The following EYS variants were observed in gnomAD, a reference collection of about 807,000 sequenced individuals.
EYS encodes the protein EGF-like photoreceptor maintenance factor.
EYS carries 250 observed loss-of-function variants against 282.1 expected under a neutral mutation model. The ratio of observed to expected loss-of-function variants is 0.89; its 90% CI spans 0.80 to 0.98. The LOEUF (loss-of-function observed/expected upper bound fraction) is 0.98. Ranked by LOEUF, EYS falls within the 50% of genes least tolerant of loss-of-function variation. The probability of loss-of-function intolerance (pLI) is 0.00; values close to 1 mark genes in which losing one functional copy is unlikely to be tolerated. For missense variants in EYS, 4,016 were observed against 3,709.0 expected, an observed-to-expected ratio of 1.08 and a Z score of -2.15; for synonymous variants, 1,355 against 1,282.9, an observed-to-expected ratio of 1.06 and a Z score of -1.20.
intron 28 of EYS, among the ~76,000 whole-genome samples, chr6:64,390,833 G>A (rs1199465556): frequency 7.0e-5 from 10 of 142,956 alleles, no homozygotes; most frequent in South Asian, 4.7e-4. Flanking sequence ...TCTGAGCTAC[G>A]GGAGGACATT....
intron 31 of EYS, among the ~76,000 whole-genome samples, chr6:64,151,487 A>G (rs1403683182): frequency 6.6e-6 from 1 of 150,498 alleles, no homozygotes; most frequent in Non-Finnish European, 1.5e-5. Context: ...CAGCCTCCCT[A>G]GTAGCTGGGA....
At chr6:64,885,521 G>A (rs1767058876) in intron 19 of EYS, among the ~76,000 whole-genome samples, 1 of 151,672 alleles carries the variant, frequency 6.6e-6, no homozygotes. Context: ...TTGCTGAGTG[G>A]ATATATATGG....
At chr6:65,706,494 C>T (rs977879945) in intron 1 of EYS, among the ~76,000 whole-genome samples, 2 of 148,542 alleles carry the variant, frequency 1.3e-5, no homozygotes, top group Non-Finnish European at 3.0e-5. Context: ...TGTGAAACAC[C>T]TTTACGTTTT....
chr6:64,321,317 C>T (rs896215858), intron 29 of EYS, among the ~76,000 whole-genome samples: 13 of 151,676 alleles, frequency 8.6e-5, no homozygotes, highest in African/African-American at 3.1e-4. Context: ...CTATATGTTA[C>T]TCAGGCTTAG....
chr6:63,960,445 A>G (rs1342182143), intron 35 of EYS, among the ~76,000 whole-genome samples: 1 of 152,224 alleles, frequency 6.6e-6, no homozygotes, highest in East Asian at 1.9e-4. Flanking sequence ...ATATTGTTGA[A>G]ATGATGACAA....
chr6:64,409,688 A>G (rs1248026245), intron 28 of EYS, among the ~76,000 whole-genome samples: 3 of 152,200 alleles, frequency 2.0e-5, no homozygotes, highest in African/African-American at 7.2e-5. Flanking sequence ...TGTTTCAGAA[A>G]GTAGAAAGCA....
At chr6:64,152,207 A>G (rs911587569) in intron 31 of EYS, among the ~76,000 whole-genome samples, 5 of 152,220 alleles carry the variant, frequency 3.3e-5, no homozygotes, top group African/African-American at 1.2e-4. Context: ...AAAGGACTGG[A>G]AAGAAGACAG....
chr6:64,685,211 T>G (rs1770048259), intron 22 of EYS, among the ~76,000 whole-genome samples: 1 of 151,950 alleles, frequency 6.6e-6, no homozygotes. Context: ...AAGGAAAAAT[T>G]TATCAGAAAA....
At chr6:64,013,989 T>A (rs143916621) in intron 33 of EYS, among the ~76,000 whole-genome samples, 20 of 152,260 alleles carry the variant, frequency 1.3e-4, no homozygotes, top group African/African-American at 4.6e-4. Context: ...CAGTACTTAT[T>A]ATGTACTCAA....
intron 35 of EYS, among the ~76,000 whole-genome samples, chr6:63,907,234 C>T (rs77455662): frequency 0.023 from 3,565 of 152,184 alleles, 140 homozygotes; most frequent in African/African-American, 0.081. Context: ...CAAGTTTATT[C>T]GTTTTCCCCT....
chr6:64,388,630 T>C (rs1772989988), intron 29 of EYS, 60 bp downstream of exon 29: 1 of 1,351,324 alleles, frequency 7.4e-7, no homozygotes, highest in Non-Finnish European at 9.8e-7. Flanking sequence ...CATTTATCAA[T>C]ATGATGATTT....
At chr6:65,432,842 T>G (rs577583238) in intron 5 of EYS, among the ~76,000 whole-genome samples, 10 of 152,264 alleles carry the variant, frequency 6.6e-5, no homozygotes, top group African/African-American at 2.4e-4. Context: ...TTAAATGTAT[T>G]TTGTAGGTAA....
At chr6:65,226,622 A>G (rs1270548424) in intron 12 of EYS, among the ~76,000 whole-genome samples, 2 of 152,210 alleles carry the variant, frequency 1.3e-5, no homozygotes, top group African/African-American at 4.8e-5. Flanking sequence ...CTGAGAAAAA[A>G]CAAGTATCAT....
At chr6:63,954,880 C>T (rs1377472617) in intron 35 of EYS, among the ~76,000 whole-genome samples, 1 of 152,168 alleles carries the variant, frequency 6.6e-6, no homozygotes, top group African/African-American at 2.4e-5. Context: ...TAGAACCTCT[C>T]ATTTCCTTTC....
chr6:64,925,955 G>A (rs188758029), intron 15 of EYS, among the ~76,000 whole-genome samples: 1 of 152,244 alleles, frequency 6.6e-6, no homozygotes, highest in Admixed American at 6.5e-5. Context: ...TCATTGCTGG[G>A]CCTAAGACCC....
intron 30 of EYS, among the ~76,000 whole-genome samples, chr6:64,250,687 T>C (rs1767181339): frequency 6.6e-6 from 1 of 152,184 alleles, no homozygotes; most frequent in South Asian, 2.1e-4. Flanking sequence ...TCGTGCTGGA[T>C]ATTAGAGAAG....
chr6:63,994,688 G>A (rs963682091), intron 34 of EYS, among the ~76,000 whole-genome samples: 11 of 151,834 alleles, frequency 7.2e-5, no homozygotes, highest in African/African-American at 2.7e-4. Context: ...TCATCATCAA[G>A]AATCAATTTG....
At chr6:63,846,081 C>G (rs1162157430) in intron 36 of EYS, among the ~76,000 whole-genome samples, 1 of 152,144 alleles carries the variant, frequency 6.6e-6, no homozygotes, top group Non-Finnish European at 1.5e-5. Flanking sequence ...TTACAATCCA[C>G]AAACATACAA....
chr6:64,127,237 A>G (rs77832749), intron 31 of EYS, among the ~76,000 whole-genome samples: 2,095 of 152,308 alleles, frequency 0.014, 42 homozygotes, highest in African/African-American at 0.047. Flanking sequence ...CATTAGTTAC[A>G]TGGAAGGAAA....
Sources: gnomAD v4.1 joint callset for allele counts (sites outside exome capture counted in the v4.1 genomes callset) on GRCh38, gnomAD v4.1.1 for gene constraint, MANE v1.5 for transcripts, NCBI Gene and HGNC (gene_info 2026-07-23, HGNC 2026-07-21) for gene names.